Variants in DMXL2 observed in about 807,000 individuals in gnomAD.
DMXL2 encodes the protein dmX-like protein 2.
Under a neutral mutation model 331.1 loss-of-function variants are expected in DMXL2, and 103 were observed. The observed-to-expected ratio is 0.31, with a 90% CI of 0.27 to 0.37. The LOEUF (loss-of-function observed/expected upper bound fraction) is 0.37, where lower values mean the gene tolerates loss of function less well. Among genes scored for constraint, DMXL2 ranks in the 10% least tolerant of loss-of-function variants. DMXL2 has a pLI of 1.00. For synonymous variants in DMXL2, 1,281 were observed against 1,252.1 expected (o/e 1.02, Z -0.49); for missense variants, 3,171 against 3,642.9 (o/e 0.87, Z 3.33).
At chr15:51,614,363 T>A (rs1009035253) in intron 1 of DMXL2, among the ~76,000 whole-genome samples, 1 of 152,188 alleles carries the variant, frequency 6.6e-6, no homozygotes, top group Non-Finnish European at 1.5e-5. Flanking sequence ...ACTCCTAAAG[T>A]ACAGAATCTC....
chr15:51,531,280 GA>G (rs2047989044), intron 13 of DMXL2, among the ~76,000 whole-genome samples: 1 of 152,108 alleles, frequency 6.6e-6, no homozygotes, highest in African/African-American at 2.4e-5. Flanking sequence ...ATACAATGGA[GA>G]AAAGACAGTC....
chr15:51,454,844 A>G (rs746955075), intron 40 of DMXL2, among the ~76,000 whole-genome samples: 10 of 152,216 alleles, frequency 6.6e-5, no homozygotes, highest in Non-Finnish European at 8.8e-5. Context: ...TTAAGAAGAT[A>G]GAGTTTTCAA....
chr15:51,564,950 G>T, intron 4 of DMXL2, 138 bp downstream of exon 4: 1 of 525,568 alleles, frequency 1.9e-6, no homozygotes, highest in African/African-American at 2.0e-5. Context: ...ATACCAAGAA[G>T]GAAAAATTAT....
Position 51,564,250 on chromosome 15 carries a change from C to T in DMXL2, c.375G>A (p.Leu125=). 2 of 1,582,540 alleles carry T rather than the reference C, an allele frequency of 1.3e-6. No individual in the cohort carries two copies. The highest frequency in any genetic ancestry group is 1.7e-6 in the Non-Finnish European group (2 of 1,169,952). Residue 125 remains leucine (L), a synonymous_variant, in exon 5 of 44, where the codon TTG becomes TTA. Transcript: ENST00000560891. ...ACTGAATAGAATCAGTTGCTGTCAA[C>T]AATCTATTATCTGAAAATTAAAGAA... The part of the protein sequence containing the change: ...NLAWDPQDNR[L]LTATDSIQLW...
At chr15:51,551,497 T>C (rs1033892761) in intron 6 of DMXL2, among the ~76,000 whole-genome samples, 1 of 152,248 alleles carries the variant, frequency 6.6e-6, no homozygotes, top group Non-Finnish European at 1.5e-5. Context: ...TATTTTACTA[T>C]GTTTCATAAG....
chr15:51,519,642 T>TTTG (rs1555426997), intron 13 of DMXL2, among the ~76,000 whole-genome samples: 1 of 144,436 alleles, frequency 6.9e-6, no homozygotes, highest in Non-Finnish European at 1.5e-5. Flanking sequence ...TCTTGTTTTT[T>TTTG]TTTTTTTTTT....
chr15:51,455,056 CAATAGG>C (rs1364497447), intron 40 of DMXL2, 89 bp downstream of exon 40: 3 of 1,003,000 alleles, frequency 3.0e-6, no homozygotes, highest in Admixed American at 1.8e-5. Context: ...ATCCTTTTCC[CAATAGG>C]ACCACCAATG....
In DMXL2 at chr15:51,622,610, G is replaced by T. The variant is rs890677624; in HGVS notation, c.-65C>A. ...ACAAGCTCCGCGCCTGACCCTCCTC[G>T]GGCTGCGAGAGCCGTTTCCCTCTGT... On this transcript the variant is annotated 5_prime_UTR_variant, in exon 1 of 44. Coordinates refer to ENST00000560891, the MANE Select transcript of DMXL2 (RefSeq NM_001378457.1). 3.3e-6 allele frequency: 5 copies of T among 1,501,702 alleles called. No homozygotes were observed. Among genetic ancestry groups the T allele is most frequent in the Non-Finnish European group, 4.5e-6 (5 of 1,120,156 alleles). The allele number at this position is 1,501,702 out of a possible 1,614,324, so 93.0% of individuals were successfully genotyped here. A position where few individuals can be genotyped will look rare whatever the true frequency, so the allele number is the denominator to read the frequency against.
chr15:51,524,853 G>T (rs545579385), intron 13 of DMXL2, among the ~76,000 whole-genome samples: 2 of 152,072 alleles, frequency 1.3e-5, no homozygotes, highest in East Asian at 3.9e-4. Context: ...GAGTCCTAGG[G>T]CTGAACTGGG....
At chr15:51,596,560 C>T (rs1041664176) in intron 1 of DMXL2, among the ~76,000 whole-genome samples, 1 of 152,174 alleles carries the variant, frequency 6.6e-6, no homozygotes, top group Non-Finnish European at 1.5e-5. Flanking sequence ...ACCCAGCAAT[C>T]CCATTACTGG....
At chr15:51,504,940 C>T (rs1043418864) in intron 16 of DMXL2, among the ~76,000 whole-genome samples, 1 of 152,166 alleles carries the variant, frequency 6.6e-6, no homozygotes, top group African/African-American at 2.4e-5. Context: ...AAAGCAAAGA[C>T]TTTAGAGTCA....
chr15:51,562,557 A>G (rs1342189896), intron 6 of DMXL2, among the ~76,000 whole-genome samples: 2 of 152,228 alleles, frequency 1.3e-5, no homozygotes, highest in Non-Finnish European at 2.9e-5. Flanking sequence ...AAGCTGAATG[A>G]GAGCAAAGAG....
At position 51,448,508 on chromosome 15, in the gene DMXL2, C is replaced by T. The variant is rs2038864530; in HGVS notation, c.*476G>A. On this transcript the variant is annotated 3_prime_UTR_variant, in exon 44 of 44. Coordinates refer to ENST00000560891, the MANE Select transcript of DMXL2 (RefSeq NM_001378457.1). ...GCAGAGAACTGGTCACTGCGCACTGCTCCACAGCTAAGAAAGTTTTCCAGG... is the reference window on the plus strand; with the variant it reads ...GCAGAGAACTGGTCACTGCGCACTGTTCCACAGCTAAGAAAGTTTTCCAGG... 2 of 194,120 alleles carry T rather than the reference C, an allele frequency of 1.0e-5. No homozygotes were observed. The allele number at this position is 194,120 out of a possible 1,614,324, so 12.0% of individuals were successfully genotyped here.
intron 15 of DMXL2, among the ~76,000 whole-genome samples, chr15:51,509,802 C>A (rs1471270793): frequency 6.6e-6 from 1 of 152,088 alleles, no homozygotes; most frequent in Non-Finnish European, 1.5e-5. Flanking sequence ...ATGCGAAAAA[C>A]CTCAATAAAA....
chr15:51,546,738 A>C (rs554721296), intron 7 of DMXL2, among the ~76,000 whole-genome samples: 29 of 152,280 alleles, frequency 1.9e-4, no homozygotes, highest in Admixed American at 1.2e-3. Flanking sequence ...AGATTTAAAA[A>C]AACAACAACA....
chr15:51,494,426 A>G (rs1472231910), intron 19 of DMXL2, among the ~76,000 whole-genome samples: 1 of 152,000 alleles, frequency 6.6e-6, no homozygotes, highest in Non-Finnish European at 1.5e-5. Context: ...TGGGATTCGC[A>G]CTCCCAACTC....
chr15:51,588,980 G>C (rs185120949), intron 1 of DMXL2, among the ~76,000 whole-genome samples: 2 of 152,254 alleles, frequency 1.3e-5, no homozygotes, highest in Admixed American at 6.5e-5. Flanking sequence ...ATTTTACATA[G>C]AGCCGTAGGT....
In DMXL2 at chr15:51,572,364, G is replaced by T. The variant is rs544100098; in HGVS notation, c.213+3692C>A. On this transcript the variant is annotated intron_variant, in intron 2 of 43. Coordinates refer to ENST00000560891, the MANE Select transcript of DMXL2 (RefSeq NM_001378457.1). The stretch of plus-strand genomic sequence containing the variant: ...TGAATTCTACCAGAGGTACAAAAAG[G>T]AGCTGGTACCATTCCTTCTGAAACT... 1.6e-4 allele frequency among the ~76,000 whole-genome samples: 24 copies of T among 152,002 alleles called. No individual in the cohort carries two copies. The East Asian group carries it at 2.1e-3, about 13-fold the overall frequency.
At position 51,605,729 on chromosome 15, in the gene DMXL2, G is replaced by C. The variant is rs1168051745; in HGVS notation, c.87+16730C>G. ...CGGCTAATATTTTGTATTTTTAGTA[G>C]AGACGGGGTTTCACCTTGTTAGCCA... On this transcript the variant is annotated intron_variant, in intron 1 of 43. Transcript: ENST00000560891. Among the ~76,000 whole-genome samples, 2 of 98,136 alleles carry C rather than the reference G, an allele frequency of 2.0e-5. 1 individual carries two copies. Among genetic ancestry groups the C allele is most frequent in the African/African-American group, 6.9e-5 (2 of 29,172 alleles). 64.4% of individuals were successfully genotyped at this position (98,136 alleles called of 152,430 possible). A position where few individuals can be genotyped will look rare whatever the true frequency, so the allele number is the denominator to read the frequency against.
Sources: gnomAD v4.1 joint callset for allele counts (sites outside exome capture counted in the v4.1 genomes callset) on GRCh38, gnomAD v4.1.1 for gene constraint, MANE v1.5 for transcripts, NCBI Gene and HGNC (gene_info 2026-07-23, HGNC 2026-07-21) for gene names.